The following HTR1F variants were observed in gnomAD, a reference collection of about 807,000 sequenced individuals.
The protein encoded by HTR1F is 5-hydroxytryptamine receptor 1F.
HTR1F carries 17 observed loss-of-function variants against 24.0 expected under a neutral mutation model. That is an observed-to-expected ratio of 0.71 (90% CI 0.48 to 1.06). The LOEUF (loss-of-function observed/expected upper bound fraction) is 1.06. Ranked by LOEUF, HTR1F falls within the 50% of genes least tolerant of loss-of-function variation. The pLI is 0.00. For missense variants in HTR1F, 391 were observed against 427.8 expected, an observed-to-expected ratio of 0.91 and a Z score of 0.76; for synonymous variants, 186 against 156.8, an observed-to-expected ratio of 1.19 and a Z score of -1.39.
At chr3:87,813,068 C>T (rs1488384311) in intron 1 of HTR1F, among the ~76,000 whole-genome samples, 4 of 152,202 alleles carry the variant, frequency 2.6e-5, no homozygotes, top group Non-Finnish European at 4.4e-5. Flanking sequence ...AGAGCCCCCA[C>T]ACAGAGTCCC....
intron 2 of HTR1F, among the ~76,000 whole-genome samples, chr3:87,933,562 A>T (rs936078418): frequency 6.7e-6 from 1 of 149,082 alleles, no homozygotes; most frequent in African/African-American, 2.4e-5. Flanking sequence ...CACCAATAAC[A>T]GACAAACAGA....
chr3:87,959,562 A>G (rs1351264343), intron 2 of HTR1F, among the ~76,000 whole-genome samples: 1 of 152,008 alleles, frequency 6.6e-6, no homozygotes, highest in Admixed American at 6.6e-5. Flanking sequence ...CTGTAGTTAC[A>G]TCAAGAAAGT....
intron 2 of HTR1F, among the ~76,000 whole-genome samples, chr3:87,874,485 G>A (rs1705625999): frequency 6.6e-6 from 1 of 152,038 alleles, no homozygotes; most frequent in East Asian, 1.9e-4. Context: ...TGAAAGAATT[G>A]AAGGACGACA....
At chr3:87,944,148 A>G (rs146962397) in intron 2 of HTR1F, among the ~76,000 whole-genome samples, 2 of 152,232 alleles carry the variant, frequency 1.3e-5, no homozygotes, top group African/African-American at 4.8e-5. Flanking sequence ...GGGCTGCTGG[A>G]TTCTAGTGGT....
intron 2 of HTR1F, among the ~76,000 whole-genome samples, chr3:87,880,838 A>T (rs1267573562): frequency 6.6e-6 from 1 of 152,202 alleles, no homozygotes; most frequent in African/African-American, 2.4e-5. Flanking sequence ...TTTTCAACGT[A>T]AACAGTTGTA....
At chr3:87,823,197 A>C (rs1344559014) in intron 2 of HTR1F, among the ~76,000 whole-genome samples, 1 of 152,204 alleles carries the variant, frequency 6.6e-6, no homozygotes, top group Admixed American at 6.5e-5. Flanking sequence ...GATGGCAGGA[A>C]TGTACTGTCT....
At chr3:87,953,669 C>A (rs1704883246) in intron 2 of HTR1F, among the ~76,000 whole-genome samples, 1 of 151,746 alleles carries the variant, frequency 6.6e-6, no homozygotes, top group Admixed American at 6.6e-5. Context: ...TATAAGCTAG[C>A]AATCTCACTA....
At chr3:87,979,528 A>G (rs560364338) in intron 2 of HTR1F, among the ~76,000 whole-genome samples, 2 of 152,240 alleles carry the variant, frequency 1.3e-5, no homozygotes, top group South Asian at 4.1e-4. Flanking sequence ...ATCCACTAGT[A>G]CTCACCCTTC....
chr3:87,805,305 A>G (rs1330699255), intron 1 of HTR1F, among the ~76,000 whole-genome samples: 1 of 151,986 alleles, frequency 6.6e-6, no homozygotes, highest in African/African-American at 2.4e-5. Flanking sequence ...AAAAGTTAAG[A>G]TATTTATTAG....
chr3:87,864,463 G>A (rs1705380436), intron 2 of HTR1F, among the ~76,000 whole-genome samples: 1 of 152,070 alleles, frequency 6.6e-6, no homozygotes, highest in Admixed American at 6.5e-5. Context: ...TTATTTCCAG[G>A]ATCTCATCTG....
At chr3:87,878,140 T>TTG (rs1304889386) in intron 2 of HTR1F, among the ~76,000 whole-genome samples, 1 of 152,150 alleles carries the variant, frequency 6.6e-6, no homozygotes, top group Non-Finnish European at 1.5e-5. Context: ...AAGAGGACTT[T>TTG]TGTAACCAAT....
chr3:87,886,022 G>T (rs1705933337), intron 2 of HTR1F, among the ~76,000 whole-genome samples: 1 of 152,042 alleles, frequency 6.6e-6, no homozygotes, highest in East Asian at 1.9e-4. Flanking sequence ...CCAAGGCCTG[G>T]CAGAGACACG....
intron 2 of HTR1F, among the ~76,000 whole-genome samples, chr3:87,909,952 A>G (rs1317517315): frequency 6.6e-6 from 1 of 152,016 alleles, no homozygotes; most frequent in African/African-American, 2.4e-5. Context: ...ATACATATTA[A>G]CCGATTAACA....
At chr3:87,849,536 A>G (rs1705031717) in intron 2 of HTR1F, among the ~76,000 whole-genome samples, 1 of 151,990 alleles carries the variant, frequency 6.6e-6, no homozygotes, top group African/African-American at 2.4e-5. Context: ...ACCATTCAGG[A>G]CATAGGCATG....
intron 2 of HTR1F, among the ~76,000 whole-genome samples, chr3:87,863,252 C>A (rs1158717354): frequency 1.3e-5 from 2 of 152,144 alleles, no homozygotes; most frequent in Non-Finnish European, 2.9e-5. Flanking sequence ...TGGTTTGTTT[C>A]CAGAGCACGT....
At chr3:87,988,310 TA>T (rs200122834) in intron 2 of HTR1F, among the ~76,000 whole-genome samples, 80 of 143,440 alleles carry the variant, frequency 5.6e-4, no homozygotes, top group Admixed American at 1.3e-3. Context: ...AATGTTGACA[TA>T]AAAAAAAAAA....
intron 1 of HTR1F, among the ~76,000 whole-genome samples, chr3:87,794,171 A>C (rs1703864204): frequency 6.6e-6 from 1 of 152,080 alleles, no homozygotes; most frequent in Admixed American, 6.6e-5. Flanking sequence ...TTCGCTGATA[A>C]AGTGAGGGTA....
intron 2 of HTR1F, among the ~76,000 whole-genome samples, chr3:87,823,896 T>C (rs1704410219): frequency 6.6e-6 from 1 of 151,754 alleles, no homozygotes; most frequent in African/African-American, 2.4e-5. Flanking sequence ...CTGTCTCTAC[T>C]AAAAATACAA....
At chr3:87,818,420 C>T (rs1358653264) in intron 1 of HTR1F, among the ~76,000 whole-genome samples, 1 of 152,120 alleles carries the variant, frequency 6.6e-6, no homozygotes, top group Non-Finnish European at 1.5e-5. Flanking sequence ...AGCCATCCTG[C>T]CAAGTACTGC....
Sources: gnomAD v4.1 joint callset for allele counts (sites outside exome capture counted in the v4.1 genomes callset) on GRCh38, gnomAD v4.1.1 for gene constraint, MANE v1.5 for transcripts, NCBI Gene and HGNC (gene_info 2026-07-23, HGNC 2026-07-21) for gene names.